Variants in DAZL observed in about 807,000 individuals in gnomAD.
DAZL encodes deleted in azoospermia-like.
Under a neutral mutation model 45.0 loss-of-function variants are expected in DAZL, and 4 were observed. That is an observed-to-expected ratio of 0.09 (90% CI 0.04 to 0.20). The LOEUF (loss-of-function observed/expected upper bound fraction) is 0.20. Ranked by LOEUF, DAZL falls within the 10% of genes least tolerant of loss-of-function variation. The pLI is 1.00. For synonymous variants in DAZL, 122 were observed against 112.4 expected, an observed-to-expected ratio of 1.09 and a Z score of -0.54; for missense variants, 326 against 351.3, an observed-to-expected ratio of 0.93 and a Z score of 0.58.
At chr3:16,590,117 T>C (rs1177684875) in intron 10 of DAZL, among the ~76,000 whole-genome samples, 4 of 152,200 alleles carry the variant, frequency 2.6e-5, no homozygotes, top group African/African-American at 9.7e-5. Flanking sequence ...TTGAAAATCA[T>C]TTAAGTACTA....
intron 1 of DAZL, 124 bp downstream of exon 1, chr3:16,605,079 C>T: frequency 7.9e-7 from 1 of 1,263,688 alleles, no homozygotes. Context: ...GTGGTGCGTC[C>T]AGGCAGGTGC....
At chr3:16,591,433 ATT>A (rs200206679) in intron 10 of DAZL, among the ~76,000 whole-genome samples, 8 of 143,746 alleles carry the variant, frequency 5.6e-5, no homozygotes, top group Non-Finnish European at 1.1e-4. Flanking sequence ...ATATGCATGT[ATT>A]TTTTTTTTTT....
At chr3:16,602,110 T>A (rs1023313045) in intron 1 of DAZL, among the ~76,000 whole-genome samples, 3 of 152,010 alleles carry the variant, frequency 2.0e-5, no homozygotes, top group African/African-American at 7.3e-5. Context: ...AAGAGTAGAT[T>A]CTTGGGGAGT....
At position 16,605,268 on chromosome 3, in the gene DAZL, C is replaced by A; in HGVS notation, c.-63G>T. On this transcript the variant is annotated 5_prime_UTR_variant, in exon 1 of 11. Transcript: ENST00000399444. ...GGAGCAGAGGCTGTGCTTGGCGCACCACTTCTGGGGCTGCTGTGAGGTCCG... is the reference window on the plus strand; with the variant it reads ...GGAGCAGAGGCTGTGCTTGGCGCACAACTTCTGGGGCTGCTGTGAGGTCCG... The A allele has an allele frequency of 3.7e-6, 6 of 1,607,790 alleles. No homozygotes were observed. Among genetic ancestry groups the A allele is most frequent in the Non-Finnish European group, 5.1e-6 (6 of 1,174,240 alleles).
chr3:16,599,460 TC>T (rs560227864), intron 1 of DAZL, among the ~76,000 whole-genome samples: 78 of 152,312 alleles, frequency 5.1e-4, no homozygotes, highest in African/African-American at 1.8e-3. Flanking sequence ...TGGAAATGGA[TC>T]ATGGAAACAT....
At chr3:16,605,159 A>T (rs747758625) in intron 1 of DAZL, 44 bp downstream of exon 1, 1 of 1,613,658 alleles carries the variant, frequency 6.2e-7, no homozygotes, top group Non-Finnish European at 8.5e-7. Flanking sequence ...CCCACGAGTG[A>T]AGACTCCGCC....
chr3:16,602,872 C>T (rs1037267003), intron 1 of DAZL, among the ~76,000 whole-genome samples: 1 of 152,078 alleles, frequency 6.6e-6, no homozygotes, highest in Non-Finnish European at 1.5e-5. Context: ...GGTAAGGGCA[C>T]CTCCTTATTA....
Position 16,587,844 on chromosome 3 carries a change from A to G in DAZL, c.*816T>C, listed in dbSNP as rs952332241. The G allele has an allele frequency of 3.9e-5, 6 of 152,910 alleles. No individual in the cohort carries two copies. Among genetic ancestry groups the G allele is most frequent in the African/African-American group, 1.4e-4 (6 of 41,460 alleles). 9.5% of individuals were successfully genotyped at this position (152,910 alleles called of 1,614,324 possible). On this transcript the variant is annotated 3_prime_UTR_variant, in exon 11 of 11. Coordinates refer to ENST00000399444, the MANE Select transcript of DAZL (RefSeq NM_001351.4). ...TAAAAAAGTTGCAGCATTCTTTAAT[A>G]CCAATATTTTGCACAATTTGACATA... is the stretch of plus-strand genomic sequence containing the variant.
chr3:16,598,630 AT>A, intron 1 of DAZL, 32 bp from the exon 2 acceptor site: 1 of 1,580,420 alleles, frequency 6.3e-7, no homozygotes, highest in Non-Finnish European at 8.6e-7. Flanking sequence ...TCATAATTAG[AT>A]ACACAGGAAA....
intron 10 of DAZL, 34 bp from the exon 11 acceptor site, chr3:16,588,747 T>C (rs1360829802): frequency 7.1e-6 from 11 of 1,554,496 alleles, no homozygotes; most frequent in Non-Finnish European, 8.0e-6. Context: ...TTTACTTTAC[T>C]GAAAATTTCT....
chr3:16,588,793 T>TA, intron 10 of DAZL, 80 bp from the exon 11 acceptor site: 1 of 1,146,792 alleles, frequency 8.7e-7, no homozygotes. Flanking sequence ...GTCAAAAACT[T>TA]AAACCATTTG....
chr3:16,588,593 A>G lies in DAZL; in HGVS notation c.*67T>C. 1 of 1,239,758 alleles carries G rather than the reference A, an allele frequency of 8.1e-7. No homozygotes were observed. Among genetic ancestry groups the G allele is most frequent in the South Asian group, 1.2e-5 (1 of 83,438 alleles). 76.8% of individuals were successfully genotyped at this position (1,239,758 alleles called of 1,614,324 possible). The stretch of plus-strand genomic sequence containing the variant: ...TACCAAAATTCAGAATTTCTATAAT[A>G]GTGGAAACCTTTTAGCTTAATATTC... On this transcript the variant is annotated 3_prime_UTR_variant, in exon 11 of 11. Coordinates refer to ENST00000399444, the MANE Select transcript of DAZL (RefSeq NM_001351.4).
rs1181006093 is a variant in DAZL at position 16,588,548 on chromosome 3, C to A, written c.*112G>T. 1.1e-5 allele frequency: 9 copies of A among 826,686 alleles called. No individual in the cohort carries two copies. The highest frequency in any genetic ancestry group is 1.7e-5 in the African/African-American group (1 of 59,456). 51.2% of individuals were successfully genotyped at this position (826,686 alleles called of 1,614,324 possible). A position where few individuals can be genotyped will look rare whatever the true frequency, so the allele number is the denominator to read the frequency against. On this transcript the variant is annotated 3_prime_UTR_variant, in exon 11 of 11. Coordinates refer to ENST00000399444, the MANE Select transcript of DAZL (RefSeq NM_001351.4). ...AGAGAGTCTAATAATACAACTTATA[C>A]ACAAAGTTTGAGTGTGATTTACCAA...
At chr3:16,600,053 G>C (rs144942171) in intron 1 of DAZL, among the ~76,000 whole-genome samples, 168 of 152,122 alleles carry the variant, frequency 1.1e-3, no homozygotes, top group African/African-American at 3.8e-3. Context: ...TTATCTTGAA[G>C]ATACTTTTAA....
intron 7 of DAZL, 90 bp from the exon 8 acceptor site, chr3:16,594,673 T>G: frequency 1.3e-6 from 1 of 767,756 alleles, no homozygotes; most frequent in Non-Finnish European, 2.0e-6. Context: ...GAAGTACTTA[T>G]CATGCTGGCT....
At chr3:16,605,074 G>T in intron 1 of DAZL, 129 bp downstream of exon 1, 1 of 1,200,526 alleles carries the variant, frequency 8.3e-7, no homozygotes, top group Non-Finnish European at 1.2e-6. Context: ...TGGCTGTGGT[G>T]CGTCCAGGCA....
intron 4 of DAZL, among the ~76,000 whole-genome samples, 195 bp from the exon 5 acceptor site, chr3:16,597,246 A>C (rs79908809): frequency 0.016 from 2,450 of 152,198 alleles, 72 homozygotes; most frequent in African/African-American, 0.056. Flanking sequence ...CATCAAGTGA[A>C]AGTTGATCAA....
At chr3:16,598,003 TAA>T (rs1300525730) in intron 3 of DAZL, 82 bp downstream of exon 3, 12 of 1,292,912 alleles carry the variant, frequency 9.3e-6, no homozygotes, top group East Asian at 7.3e-5. Context: ...AAATTTATGT[TAA>T]GTGTCAGAAT....
At chr3:16,591,022 T>G (rs1295208281) in intron 10 of DAZL, among the ~76,000 whole-genome samples, 1 of 152,204 alleles carries the variant, frequency 6.6e-6, no homozygotes, top group Admixed American at 6.5e-5. Context: ...GGTATCTCAA[T>G]TATATATTTC....
Sources: gnomAD v4.1 joint callset for allele counts (sites outside exome capture counted in the v4.1 genomes callset) on GRCh38, gnomAD v4.1.1 for gene constraint, MANE v1.5 for transcripts, NCBI Gene and HGNC (gene_info 2026-07-23, HGNC 2026-07-21) for gene names.